Variants in KIAA1549L observed in about 807,000 individuals in gnomAD.
KIAA1549L encodes the protein KIAA1549 like.
Under a neutral mutation model 160.7 loss-of-function variants are expected in KIAA1549L, and 88 were observed. That is an observed-to-expected ratio of 0.55 (90% CI 0.46 to 0.65). The LOEUF (loss-of-function observed/expected upper bound fraction) is 0.65. Ranked by LOEUF, KIAA1549L falls within the 30% of genes least tolerant of loss-of-function variation. The pLI is 0.00. For missense variants in KIAA1549L, 2,258 were observed against 2,437.5 expected (o/e 0.93, Z 1.55); for synonymous variants, 950 against 976.7 (o/e 0.97, Z 0.51).
chr11:33,610,160 T>TAA, intron 15 of KIAA1549L, among the ~76,000 whole-genome samples, 194 bp downstream of exon 15: 1 of 147,136 alleles, frequency 6.8e-6, no homozygotes, highest in African/African-American at 2.5e-5. Context: ...TTAAAGCCAT[T>TAA]AAAAAAAAAA....
chr11:33,602,040 A>AT (rs1381765690), intron 13 of KIAA1549L, among the ~76,000 whole-genome samples: 3 of 152,258 alleles, frequency 2.0e-5, no homozygotes, highest in Non-Finnish European at 4.4e-5. Flanking sequence ...GAAAGAGTTA[A>AT]AAGTAAGTTC....
rs144760227 is a variant in KIAA1549L, at chr11:33,490,549, T to G, written c.239-51253T>G. On this transcript the variant is annotated intron_variant, in intron 1 of 20. Coordinates refer to ENST00000658780, the MANE Select transcript of KIAA1549L (RefSeq NM_012194.3). ...CGTGTTGCTTAGGCTGATCTGAAAC[T>G]CCTGAGCTCAAGCAGTCTGCTGGGA... Among the ~76,000 whole-genome samples the G allele has an allele frequency of 4.8e-3, 730 of 152,224 alleles. 7 individuals are homozygous for G. Among genetic ancestry groups the G allele is most frequent in the African/African-American group, 0.016 (673 of 41,538 alleles).
In KIAA1549L at chr11:33,559,828, C is replaced by T. The variant is rs1854781175; in HGVS notation, c.3935C>T (p.Thr1312Ile). Residue 1312 changes from threonine (T) to isoleucine (I), a missense_variant, in exon 7 of 21, where the codon ACC (threonine) becomes ATC (isoleucine). Coordinates refer to ENST00000658780, the MANE Select transcript of KIAA1549L (RefSeq NM_012194.3). ...AATCAGAGCACATTCCTCAACGGCA[C>T]CGTCGCCAGCAGCCTCCTCAGCCAG... Reference protein sequence around the residue: ...VGNQSTFLNGTVASSLLSQLS... With the variant: ...VGNQSTFLNGIVASSLLSQLS... 1 of 1,614,000 alleles carries T rather than the reference C, an allele frequency of 6.2e-7. No homozygotes were observed. Among genetic ancestry groups the T allele is most frequent in the Non-Finnish European group, 8.5e-7 (1 of 1,179,874 alleles).
chr11:33,544,685 T>A (rs1854173307), intron 2 of KIAA1549L, 82 bp from the exon 3 acceptor site: 1 of 1,502,624 alleles, frequency 6.7e-7, no homozygotes, highest in Non-Finnish European at 8.9e-7. Context: ...AGCAAATCCA[T>A]AAGTTACATC....
At chr11:33,442,816 G>T (rs1590248333) in intron 1 of KIAA1549L, among the ~76,000 whole-genome samples, 1 of 151,708 alleles carries the variant, frequency 6.6e-6, no homozygotes, top group African/African-American at 2.4e-5. Context: ...ACTTCACTCT[G>T]TCCCCCATAT....
At chr11:33,438,886 C>G (rs1409992618) in intron 1 of KIAA1549L, among the ~76,000 whole-genome samples, 1 of 147,848 alleles carries the variant, frequency 6.8e-6, no homozygotes, top group African/African-American at 2.5e-5. Context: ...CCCTGGGACT[C>G]TCAAGCTTAG....
chr11:33,650,251 A>ATAAGT (rs1302999523), intron 17 of KIAA1549L, among the ~76,000 whole-genome samples: 37 of 152,206 alleles, frequency 2.4e-4, no homozygotes, highest in Non-Finnish European at 4.8e-4. Context: ...CCTCTGGTAA[A>ATAAGT]TAAGTACCCT....
chr11:33,473,406 A>G (rs1201033398), intron 1 of KIAA1549L, among the ~76,000 whole-genome samples: 2 of 152,168 alleles, frequency 1.3e-5, no homozygotes, highest in Non-Finnish European at 2.9e-5. Flanking sequence ...GGAGGAGGTG[A>G]TGTCCAAGAC....
chr11:33,588,885 A>G (rs1849960151), intron 11 of KIAA1549L, among the ~76,000 whole-genome samples: 1 of 152,190 alleles, frequency 6.6e-6, no homozygotes, highest in South Asian at 2.1e-4. Flanking sequence ...GGAGCTGTCC[A>G]TGGCAAAGCT....
rs574243925 is a variant in KIAA1549L at position 33,547,766 on chromosome 11, C to G, written c.3388C>G (p.Leu1130Val). ...MSSKLLVKTV[L>V]FLTQRRVQIS... Reference sequence around the variant, plus strand: ...CATGCTTCTATTTTACCCCACAGTTCTCTTTCTCACCCAAAGGAGAGTGCA... The same window carrying G: ...CATGCTTCTATTTTACCCCACAGTTGTCTTTCTCACCCAAAGGAGAGTGCA... The change falls in exon 4 of 21, where the codon CTC (leucine) becomes GTC (valine). Residue 1130 changes from leucine to valine, a missense_variant and splice_region_variant. Coordinates refer to ENST00000658780, the MANE Select transcript of KIAA1549L (RefSeq NM_012194.3). 2 of 1,605,266 alleles carry G rather than the reference C, an allele frequency of 1.2e-6. No homozygotes were observed. Among genetic ancestry groups the G allele is most frequent in the Admixed American group, 3.3e-5 (2 of 59,822 alleles).
chr11:33,601,655 C>T (rs556859153), intron 13 of KIAA1549L, among the ~76,000 whole-genome samples: 1 of 152,298 alleles, frequency 6.6e-6, no homozygotes, highest in African/African-American at 2.4e-5. Flanking sequence ...ATCTATTTTT[C>T]ACAGAAGCTT....
chr11:33,464,213 CATGAATACTT>C (rs1225110054), intron 1 of KIAA1549L, among the ~76,000 whole-genome samples: 1 of 152,204 alleles, frequency 6.6e-6, no homozygotes, highest in Non-Finnish European at 1.5e-5. Flanking sequence ...ATAATTTTTT[CATGAATACTT>C]CCCAAAGTCC....
At chr11:33,511,951 A>C (rs925562875) in intron 1 of KIAA1549L, among the ~76,000 whole-genome samples, 8 of 152,242 alleles carry the variant, frequency 5.3e-5, no homozygotes, top group Non-Finnish European at 1.0e-4. Flanking sequence ...CAATAAAGTT[A>C]GCTGCGATTA....
chr11:33,476,029 C>T (rs2133037123), intron 1 of KIAA1549L, among the ~76,000 whole-genome samples: 1 of 152,280 alleles, frequency 6.6e-6, no homozygotes, highest in Non-Finnish European at 1.5e-5. Flanking sequence ...GTAGATCACA[C>T]ACATGATCTT....
At chr11:33,639,810 G>C (rs1436290334) in intron 16 of KIAA1549L, among the ~76,000 whole-genome samples, 2 of 152,162 alleles carry the variant, frequency 1.3e-5, no homozygotes, top group East Asian at 3.8e-4. Flanking sequence ...AAAGTGCTGG[G>C]ATTACAGGCA....
At position 33,544,036 on chromosome 11, in the gene KIAA1549L, A is replaced by G. The variant is rs1208374332; in HGVS notation, c.2473A>G (p.Thr825Ala). The change falls in exon 2 of 21, where the codon ACT (threonine) becomes GCT (alanine). Residue 825 changes from threonine (T) to alanine (A), a missense_variant. Physicochemically the swap from Thr to Ala is moderately conservative, Grantham distance 58. Transcript: ENST00000658780. ...TGAAGTTGCATATTACTCACCCACA[A>G]CTCGACATTCCGTGTCTCATCCTCA... is the stretch of plus-strand genomic sequence containing the variant. Reference protein sequence around the residue: ...TAEVAYYSPTTRHSVSHPQLQ... With the variant: ...TAEVAYYSPTARHSVSHPQLQ... 8.1e-6 allele frequency: 13 copies of G among 1,613,540 alleles called. No homozygotes were observed. The highest frequency in any genetic ancestry group is 2.7e-5 in the African/African-American group (2 of 74,784).
chr11:33,526,141 A>G (rs1853606547), intron 1 of KIAA1549L, among the ~76,000 whole-genome samples: 1 of 152,130 alleles, frequency 6.6e-6, no homozygotes, highest in Non-Finnish European at 1.5e-5. Context: ...AACATAGGGC[A>G]AGCTTATATC....
chr11:33,599,664 G>A (rs1850302896), intron 13 of KIAA1549L, among the ~76,000 whole-genome samples: 1 of 152,224 alleles, frequency 6.6e-6, no homozygotes, highest in Admixed American at 6.5e-5. Flanking sequence ...GAGTGGCATT[G>A]TCTATAGATG....
intron 1 of KIAA1549L, among the ~76,000 whole-genome samples, chr11:33,436,261 A>G (rs1295201543): frequency 6.6e-6 from 1 of 152,180 alleles, no homozygotes; most frequent in East Asian, 1.9e-4. Flanking sequence ...ATAGCATATA[A>G]TAAGGAACTG....
Sources: gnomAD v4.1 joint callset for allele counts (sites outside exome capture counted in the v4.1 genomes callset) on GRCh38, gnomAD v4.1.1 for gene constraint, MANE v1.5 for transcripts, NCBI Gene and HGNC (gene_info 2026-07-23, HGNC 2026-07-21) for gene names.